Variants in NAV2 observed in about 807,000 individuals in gnomAD.
The protein encoded by NAV2 is neuron navigator 2.
NAV2 carries 54 observed loss-of-function variants against 223.2 expected under a neutral mutation model. The observed-to-expected ratio is 0.24, with a 90% CI of 0.19 to 0.30. The LOEUF (loss-of-function observed/expected upper bound fraction) is 0.30, where lower values mean the gene tolerates loss of function less well. Among genes scored for constraint, NAV2 ranks in the 10% least tolerant of loss-of-function variants. The pLI is 1.00. For synonymous variants in NAV2, 1,279 were observed against 1,239.3 expected (o/e 1.03, Z -0.67); for missense variants, 2,806 against 3,147.5 (o/e 0.89, Z 2.60).
At chr11:20,020,229 C>T (rs2054381722) in intron 11 of NAV2, among the ~76,000 whole-genome samples, 1 of 152,220 alleles carries the variant, frequency 6.6e-6, no homozygotes, top group South Asian at 2.1e-4. Context: ...TTCTTCTACT[C>T]TTTGATACCT....
intron 1 of NAV2, among the ~76,000 whole-genome samples, chr11:19,393,035 C>T (rs534056227): frequency 5.5e-4 from 83 of 152,272 alleles, no homozygotes; most frequent in Non-Finnish European, 8.5e-4. Context: ...ATTGTTGGTG[C>T]GTTGTTCCCT....
intron 31 of NAV2, among the ~76,000 whole-genome samples, chr11:20,100,659 T>C (rs1429918213): frequency 1.3e-5 from 2 of 150,448 alleles, no homozygotes; most frequent in Admixed American, 6.6e-5. Flanking sequence ...AGAGGACAGA[T>C]AGGGACTGAG....
chr11:19,955,390 A>AT (rs541652279), intron 10 of NAV2, among the ~76,000 whole-genome samples: 620 of 28,956 alleles, frequency 0.021, 13 homozygotes, highest in Admixed American at 0.11. Context: ...ACCTTGTCTG[A>AT]GAAAAAAAAA....
chr11:19,649,081 C>A (rs2047895004), intron 1 of NAV2, among the ~76,000 whole-genome samples: 1 of 152,170 alleles, frequency 6.6e-6, no homozygotes, highest in African/African-American at 2.4e-5. Context: ...TGTGTACTTA[C>A]AGCTCCAGTT....
intron 1 of NAV2, among the ~76,000 whole-genome samples, chr11:19,693,835 T>C (rs1164543593): frequency 6.6e-6 from 1 of 152,208 alleles, no homozygotes; most frequent in Non-Finnish European, 1.5e-5. Context: ...TAGAGTAGAC[T>C]ACGGTCTTCT....
intron 10 of NAV2, among the ~76,000 whole-genome samples, chr11:19,967,278 T>C (rs971972922): frequency 2.6e-5 from 4 of 152,140 alleles, no homozygotes; most frequent in African/African-American, 9.7e-5. Flanking sequence ...CTACAAAGCC[T>C]AACCTTCAAC....
intron 5 of NAV2, among the ~76,000 whole-genome samples, chr11:19,890,622 G>T (rs891213170): frequency 6.6e-6 from 1 of 152,148 alleles, no homozygotes; most frequent in African/African-American, 2.4e-5. Flanking sequence ...GACTCTGTCT[G>T]GTTTAAAAAG....
At chr11:19,853,565 G>A (rs2152984950) in intron 3 of NAV2, among the ~76,000 whole-genome samples, 1 of 152,268 alleles carries the variant, frequency 6.6e-6, no homozygotes, top group Non-Finnish European at 1.5e-5. Flanking sequence ...TGTGGCCCTA[G>A]ACAATTCTTC....
At chr11:19,395,388 A>G (rs1379522172) in intron 1 of NAV2, among the ~76,000 whole-genome samples, 2 of 152,228 alleles carry the variant, frequency 1.3e-5, no homozygotes, top group Non-Finnish European at 2.9e-5. Context: ...CTTGGGATGT[A>G]GAGAGGACTC....
intron 1 of NAV2, among the ~76,000 whole-genome samples, chr11:19,702,451 C>G (rs1426536775): frequency 1.3e-5 from 2 of 152,124 alleles, no homozygotes; most frequent in East Asian, 3.8e-4. Flanking sequence ...TCCACATCAC[C>G]AACATTTGCA....
At chr11:19,940,649 C>T (rs1306772130) in intron 8 of NAV2, among the ~76,000 whole-genome samples, 1 of 152,194 alleles carries the variant, frequency 6.6e-6, no homozygotes, top group Admixed American at 6.5e-5. Flanking sequence ...CTGAATATCC[C>T]TGACTACAGC....
intron 26 of NAV2, among the ~76,000 whole-genome samples, chr11:20,087,091 G>A (rs921249141): frequency 6.6e-6 from 1 of 152,184 alleles, no homozygotes; most frequent in Non-Finnish European, 1.5e-5. Context: ...TTCAGAAAGA[G>A]GGAGTTACAG....
At chr11:19,901,131 A>T (rs1422259780) in intron 6 of NAV2, among the ~76,000 whole-genome samples, 1 of 152,246 alleles carries the variant, frequency 6.6e-6, no homozygotes. Flanking sequence ...TTACAAACTG[A>T]GTCCTTCTAA....
rs12421140 is a variant in NAV2, at chr11:19,787,270, C to A, written c.268-45214C>A. 7.6e-4 allele frequency among the ~76,000 whole-genome samples: 42 copies of A among 54,998 alleles called. 3 individuals are homozygous for A. Among genetic ancestry groups the A allele is most frequent in the East Asian group, 3.6e-3 (2 of 560 alleles). The allele number at this position is 54,998 out of a possible 152,430, so 36.1% of individuals were successfully genotyped here. A position where few individuals can be genotyped will look rare whatever the true frequency, so the allele number is the denominator to read the frequency against. On this transcript the variant is annotated intron_variant, in intron 1 of 37. Coordinates refer to ENST00000349880, the MANE Select transcript of NAV2 (RefSeq NM_145117.5). ...CATGCCTGGCTAATTTTTATTGGAT[C>A]TTTTTTTTTTTTTTTTTTTTTTTTT...
chr11:19,653,631 T>C (rs1490206037), intron 1 of NAV2, among the ~76,000 whole-genome samples: 3 of 152,364 alleles, frequency 2.0e-5, no homozygotes, highest in East Asian at 1.9e-4. Context: ...ATATCAGAGA[T>C]GGTAAGGCAT....
At chr11:19,498,259 A>G (rs114408556) in intron 1 of NAV2, among the ~76,000 whole-genome samples, 106 of 152,322 alleles carry the variant, frequency 7.0e-4, no homozygotes, top group Middle Eastern at 6.8e-3. Context: ...ATGTGGTCAA[A>G]TCATTCTATT....
intron 6 of NAV2, among the ~76,000 whole-genome samples, chr11:19,925,537 T>C (rs1014780001): frequency 9.2e-5 from 14 of 151,978 alleles, no homozygotes; most frequent in African/African-American, 2.4e-4. Flanking sequence ...GATCACGAGG[T>C]CAGGGGTTCG....
chr11:19,359,845 G>C (rs1440933838), intron 1 of NAV2, among the ~76,000 whole-genome samples: 2 of 152,146 alleles, frequency 1.3e-5, no homozygotes, highest in Non-Finnish European at 2.9e-5. Flanking sequence ...TTCTCTGCCT[G>C]TCTTGGTTCA....
chr11:20,002,215 G>A (rs189138225), intron 11 of NAV2, among the ~76,000 whole-genome samples: 7 of 152,184 alleles, frequency 4.6e-5, no homozygotes, highest in Non-Finnish European at 4.4e-5. Context: ...AAACACTATC[G>A]CATTGGGGGT....
Sources: gnomAD v4.1 joint callset for allele counts (sites outside exome capture counted in the v4.1 genomes callset) on GRCh38, gnomAD v4.1.1 for gene constraint, MANE v1.5 for transcripts, NCBI Gene and HGNC (gene_info 2026-07-23, HGNC 2026-07-21) for gene names.